SHPRH: variants seen among roughly 807,000 people sequenced by gnomAD.
SHPRH encodes the protein E3 ubiquitin-protein ligase SHPRH.
SHPRH carries 106 observed loss-of-function variants against 202.5 expected under a neutral mutation model. The observed-to-expected ratio is 0.52, with a 90% CI of 0.45 to 0.62. The LOEUF (loss-of-function observed/expected upper bound fraction) is 0.62. SHPRH is among the 20% of genes least tolerant of loss of function. The pLI is 0.00. For missense variants in SHPRH, 1,710 were observed against 2,020.0 expected (o/e 0.85, Z 2.94); for synonymous variants, 729 against 686.0 (o/e 1.06, Z -0.98).
chr6:145,922,970 TTTGAGTGAG>T, intron 18 of SHPRH, 134 bp from the exon 19 acceptor site: 15 of 1,036,770 alleles, frequency 1.4e-5, no homozygotes, highest in Non-Finnish European at 1.9e-5. Flanking sequence ...AACAGCAACA[TTTGAGTGAG>T]TTTTCCTTCA....
intron 14 of SHPRH, among the ~76,000 whole-genome samples, chr6:145,931,596 A>G (rs1785451110): frequency 6.6e-6 from 1 of 152,072 alleles, no homozygotes; most frequent in African/African-American, 2.4e-5. Flanking sequence ...TCGGCTTCCC[A>G]AAGTACTGGG....
intron 14 of SHPRH, among the ~76,000 whole-genome samples, chr6:145,929,198 G>C (rs1052929475): frequency 6.6e-6 from 1 of 151,758 alleles, no homozygotes. Flanking sequence ...TGTTATAAAG[G>C]TTTAAGTCAA....
At chr6:145,904,356 G>GA (rs1407880519) in intron 25 of SHPRH, 1 of 151,798 alleles carries the variant, frequency 6.6e-6, no homozygotes, top group Admixed American at 6.6e-5. Flanking sequence ...GTAATATAAA[G>GA]AAAAAAACTA....
chr6:145,960,547 C>T (rs1284407327), intron 1 of SHPRH, among the ~76,000 whole-genome samples: 5 of 152,084 alleles, frequency 3.3e-5, no homozygotes, highest in African/African-American at 4.8e-5. Flanking sequence ...ATTAGCAAAG[C>T]GATGTGGCTT....
rs1780912531 is a variant in SHPRH, at chr6:145,885,388, G to T, written c.*1303C>A. 6.6e-6 allele frequency: 1 copy of T among 152,464 alleles called. No homozygotes were observed. Among genetic ancestry groups the T allele is most frequent in the Non-Finnish European group, 1.5e-5 (1 of 68,012 alleles). 9.4% of individuals were successfully genotyped at this position (152,464 alleles called of 1,614,324 possible). A position where few individuals can be genotyped will look rare whatever the true frequency, so the allele number is the denominator to read the frequency against. ...TGAATTACATCACTCTATAAACCTA[G>T]AGTAAGAAAATGCACCTTAACTAAG... On this transcript the variant is annotated 3_prime_UTR_variant, in exon 30 of 30. Transcript: ENST00000275233.
chr6:145,951,760 A>G lies in SHPRH; in HGVS notation c.763+589T>C, dbSNP rs1464149604. On this transcript the variant is annotated intron_variant, in intron 3 of 29. Coordinates refer to ENST00000275233, the MANE Select transcript of SHPRH (RefSeq NM_001042683.3). ...AAATACTCCAGTATGACAATGTTCT[A>G]TAATTTGCACCTGAAATAATGCTGA... 4 of 455,826 alleles carry G rather than the reference A, an allele frequency of 8.8e-6. No individual in the cohort carries two copies. The Admixed American group carries it at 9.4e-5, about 11-fold the overall frequency. The allele number at this position is 455,826 out of a possible 1,614,324, so 28.2% of individuals were successfully genotyped here.
chr6:145,919,612 TA>T, intron 21 of SHPRH, 121 bp from the exon 22 acceptor site: 1 of 1,168,288 alleles, frequency 8.6e-7, no homozygotes, highest in Non-Finnish European at 1.2e-6. Flanking sequence ...GCTATGTGTC[TA>T]ACGTACAAGT....
chr6:145,922,289 T>C lies in SHPRH; in HGVS notation c.3779A>G (p.Asn1260Ser). ...AATAATCAAATAGAGAACTTACGTGTTGGAAAATAGCTTTGATTCATACTC... is the reference window on the plus strand; with the variant it reads ...AATAATCAAATAGAGAACTTACGTGCTGGAAAATAGCTTTGATTCATACTC... ...FTEYESKLFS[N>S]TVKGQTAIFE... is the part of the protein sequence containing the mutation. Residue 1260 changes from asparagine to serine, a missense_variant, in exon 20 of 30, where the codon AAC (asparagine) becomes AGC (serine). This residue lies in a region of SHPRH where 288 missense variants were observed against 317.8 expected (regional missense o/e 0.91). Transcript: ENST00000275233. 1 of 1,575,018 alleles carries C rather than the reference T, an allele frequency of 6.3e-7. No individual in the cohort carries two copies.
At chr6:145,876,034 G>A (rs894773788) in intron 2 of SHPRH, among the ~76,000 whole-genome samples, 3 of 152,160 alleles carry the variant, frequency 2.0e-5, no homozygotes, top group African/African-American at 4.8e-5. Flanking sequence ...ATGAAATTCA[G>A]CCATTTAAAG....
intron 1 of SHPRH, among the ~76,000 whole-genome samples, 193 bp downstream of exon 1, chr6:145,963,534 CCAGT>C (rs752843279): frequency 4.6e-5 from 7 of 152,326 alleles, no homozygotes; most frequent in Non-Finnish European, 7.3e-5. Context: ...ATAGCAACTA[CCAGT>C]CAAACTGTAC....
intron 27 of SHPRH, among the ~76,000 whole-genome samples, chr6:145,893,874 T>C (rs1781780442): frequency 1.3e-5 from 2 of 151,784 alleles, no homozygotes; most frequent in South Asian, 4.2e-4. Flanking sequence ...GAGGCCCCTG[T>C]CCATTCAAAA....
chr6:145,922,861 A>C, intron 18 of SHPRH, 25 bp from the exon 19 acceptor site: 1 of 1,551,944 alleles, frequency 6.4e-7, no homozygotes, highest in Non-Finnish European at 8.7e-7. Flanking sequence ...AGCACCACAC[A>C]CAATACAAAG....
At chr6:145,890,198 A>C (rs1781460494) in intron 28 of SHPRH, among the ~76,000 whole-genome samples, 1 of 152,210 alleles carries the variant, frequency 6.6e-6, no homozygotes, top group Admixed American at 6.6e-5. Context: ...TAAAGCTTGT[A>C]CTGTGAAGGC....
chr6:145,959,380 G>A (rs572807447), intron 1 of SHPRH, among the ~76,000 whole-genome samples: 2 of 151,860 alleles, frequency 1.3e-5, no homozygotes, highest in East Asian at 1.9e-4. Context: ...CAAATACTAC[G>A]GTGTGACAAC....
At chr6:145,861,728 A>G (rs1382423624), downstream of SHPRH, among the ~76,000 whole-genome samples, 1 of 152,194 alleles carries the variant, frequency 6.6e-6, no homozygotes, top group Non-Finnish European at 1.5e-5. Context: ...CAAAGAAAAC[A>G]TTATATACAT....
intron 2 of SHPRH, among the ~76,000 whole-genome samples, chr6:145,867,625 TATATATAGAG>T (rs1316746891): frequency 1.2e-3 from 76 of 63,374 alleles, no homozygotes; most frequent in Non-Finnish European, 1.4e-3. Context: ...TATATATATA[TATATATAGAG>T]AGAGAGAGAG....
intron 20 of SHPRH, 147 bp from the exon 21 acceptor site, chr6:145,921,539 A>G (rs764505300): frequency 1.5e-6 from 1 of 663,696 alleles, no homozygotes; most frequent in Non-Finnish European, 2.3e-6. Flanking sequence ...AAATTTGGCC[A>G]GTTTTTTTTT....
At chr6:145,894,551 C>T (rs1055602954) in intron 26 of SHPRH, among the ~76,000 whole-genome samples, 1 of 151,402 alleles carries the variant, frequency 6.6e-6, no homozygotes, top group African/African-American at 2.4e-5. Context: ...AAGGGTTTTA[C>T]TCAACACTTT....
At chr6:145,918,858 A>G (rs1350610540) in intron 22 of SHPRH, 1 of 153,700 alleles carries the variant, frequency 6.5e-6, no homozygotes, top group Non-Finnish European at 1.4e-5. Context: ...AATGGAGAAT[A>G]AAAGAGATTG....
Sources: gnomAD v4.1 joint callset for allele counts (sites outside exome capture counted in the v4.1 genomes callset) on GRCh38, gnomAD v4.1.1 for gene constraint, gnomAD v4.1.1 regional missense constraint, MANE v1.5 for transcripts, NCBI Gene and HGNC (gene_info 2026-07-23, HGNC 2026-07-21) for gene names.